Variants in ALK observed in about 807,000 individuals in gnomAD.
The protein encoded by ALK is ALK receptor tyrosine kinase, also known as ALK tyrosine kinase receptor.
ALK carries 74 observed loss-of-function variants against 163.1 expected under a neutral mutation model. The observed-to-expected ratio is 0.45, with a 90% CI of 0.38 to 0.55. ALK has a LOEUF of 0.55. Ranked by LOEUF, ALK falls within the 20% of genes least tolerant of loss-of-function variation. The pLI is 0.00. For missense variants in ALK, 2,063 were observed against 2,105.3 expected (o/e 0.98, Z 0.39); for synonymous variants, 960 against 843.2 (o/e 1.14, Z -2.40).
At chr2:29,556,600 T>A (rs191720474) in intron 3 of ALK, among the ~76,000 whole-genome samples, 39 of 152,342 alleles carry the variant, frequency 2.6e-4, no homozygotes, top group African/African-American at 8.9e-4. Context: ...TGTGATTTCA[T>A]GAATTCACTC....
intron 1 of ALK, among the ~76,000 whole-genome samples, chr2:29,862,171 T>A (rs1400938747): frequency 3.3e-5 from 5 of 152,184 alleles, no homozygotes; most frequent in Non-Finnish European, 7.3e-5. Flanking sequence ...AATATCATAC[T>A]CAATGGTGAA....
At chr2:29,216,993 AGGTGTGTGT>A (rs1183853044) in intron 23 of ALK, among the ~76,000 whole-genome samples, 2 of 107,268 alleles carry the variant, frequency 1.9e-5, no homozygotes, top group Non-Finnish European at 1.9e-5. Flanking sequence ...GTGGCATGTG[AGGTGTGTGT>A]GGTGTGTGCG....
chr2:29,626,033 T>C (rs867262406), intron 3 of ALK, among the ~76,000 whole-genome samples: 3 of 152,190 alleles, frequency 2.0e-5, no homozygotes, highest in Non-Finnish European at 2.9e-5. Flanking sequence ...AAACAACCCA[T>C]GCAAAGGCAA....
intron 9 of ALK, among the ~76,000 whole-genome samples, chr2:29,293,542 A>G (rs976589487): frequency 3.3e-5 from 5 of 152,128 alleles, no homozygotes; most frequent in African/African-American, 1.2e-4. Context: ...TTTTTAAGTG[A>G]AGGAAGAGTA....
At chr2:29,318,525 T>C (rs184633719) in intron 7 of ALK, 121 bp from the exon 8 acceptor site, 7 of 744,068 alleles carry the variant, frequency 9.4e-6, no homozygotes, top group Admixed American at 4.3e-5. Flanking sequence ...AGGAAACAGG[T>C]TTCTGGCCTG....
intron 11 of ALK, among the ~76,000 whole-genome samples, chr2:29,253,641 G>C (rs1664877937): frequency 6.6e-6 from 1 of 151,980 alleles, no homozygotes; most frequent in Non-Finnish European, 1.5e-5. Flanking sequence ...TGGGGGCAGG[G>C]AGAAAAATAA....
At chr2:29,537,396 A>T (rs1425854909) in intron 3 of ALK, among the ~76,000 whole-genome samples, 3 of 152,162 alleles carry the variant, frequency 2.0e-5, no homozygotes, top group African/African-American at 7.2e-5. Flanking sequence ...ATGGCTCAAA[A>T]GGGCCCAGGT....
In ALK at chr2:29,199,250, G is replaced by A. The variant is rs10173262; in HGVS notation, c.3939-1574C>T. 7.1e-3 allele frequency among the ~76,000 whole-genome samples: 1,078 copies of A among 152,232 alleles called. 15 individuals are homozygous for A. Among genetic ancestry groups the A allele is most frequent in the African/African-American group, 0.025 (1,027 of 41,540 alleles). Reference sequence around the variant, plus strand: ...ATTACAGATGTGAAACACCGCACCTGGCCTTAGTTGCTTTCTAATGCTACT... The same window carrying A: ...ATTACAGATGTGAAACACCGCACCTAGCCTTAGTTGCTTTCTAATGCTACT... On this transcript the variant is annotated intron_variant, in intron 26 of 28. Transcript: ENST00000389048.
chr2:29,472,157 G>A (rs1671361406), intron 4 of ALK, among the ~76,000 whole-genome samples: 1 of 152,222 alleles, frequency 6.6e-6, no homozygotes, highest in Admixed American at 6.5e-5. Flanking sequence ...CCTCTATGGA[G>A]AGACTATATG....
intron 26 of ALK, among the ~76,000 whole-genome samples, chr2:29,204,678 C>T (rs1201402751): frequency 1.3e-5 from 2 of 152,182 alleles, no homozygotes; most frequent in Non-Finnish European, 2.9e-5. Flanking sequence ...CAACCTCCAC[C>T]TCCCAGGTTC....
chr2:29,806,321 A>G (rs56228971), intron 1 of ALK, among the ~76,000 whole-genome samples: 11,742 of 152,164 alleles, frequency 0.077, 1,318 homozygotes, highest in African/African-American at 0.25. Flanking sequence ...TGGGAGAAAG[A>G]CTAACAGTGT....
intron 4 of ALK, among the ~76,000 whole-genome samples, chr2:29,508,114 A>G (rs1672388683): frequency 6.6e-6 from 1 of 152,142 alleles, no homozygotes; most frequent in East Asian, 1.9e-4. Flanking sequence ...GCCACCCTAC[A>G]GGGTCTGGCT....
At chr2:29,649,997 C>A (rs1676995299) in intron 3 of ALK, among the ~76,000 whole-genome samples, 1 of 152,164 alleles carries the variant, frequency 6.6e-6, no homozygotes, top group African/African-American at 2.4e-5. Flanking sequence ...GGGAATCAAA[C>A]TCCACATCCT....
chr2:29,558,904 A>T (rs1673936896), intron 3 of ALK, among the ~76,000 whole-genome samples: 1 of 152,168 alleles, frequency 6.6e-6, no homozygotes, highest in Admixed American at 6.5e-5. Flanking sequence ...GGGGTTTAGA[A>T]ATGTGAAATA....
intron 1 of ALK, among the ~76,000 whole-genome samples, chr2:29,774,933 T>A (rs1681130265): frequency 6.6e-6 from 1 of 152,206 alleles, no homozygotes; most frequent in Admixed American, 6.5e-5. Flanking sequence ...GATGGGTTAA[T>A]GTAAATTTAT....
chr2:29,891,774 G>A (rs1667154330), intron 1 of ALK, among the ~76,000 whole-genome samples: 1 of 152,156 alleles, frequency 6.6e-6, no homozygotes, highest in Non-Finnish European at 1.5e-5. Flanking sequence ...AGCTGAAGGG[G>A]CTGATAAGGA....
chr2:29,457,402 C>T (rs189774832), intron 4 of ALK, among the ~76,000 whole-genome samples: 1 of 152,202 alleles, frequency 6.6e-6, no homozygotes, highest in African/African-American at 2.4e-5. Context: ...GGGAAATGGG[C>T]TTTCAGGGGA....
intron 3 of ALK, among the ~76,000 whole-genome samples, chr2:29,595,319 A>AT (rs10641464): frequency 0.066 from 8,174 of 123,912 alleles, 536 homozygotes; most frequent in African/African-American, 0.15. Flanking sequence ...GTCTTACTGG[A>AT]TTTTTTTTTT....
chr2:29,713,852 T>TAAA (rs201653251), intron 2 of ALK, among the ~76,000 whole-genome samples: 102 of 151,920 alleles, frequency 6.7e-4, no homozygotes, highest in African/African-American at 2.5e-3. Flanking sequence ...TTTTTTTTTT[T>TAAA]AAATAAATGA....
Sources: allele counts gnomAD v4.1 joint callset (sites outside exome capture counted in the v4.1 genomes callset), GRCh38; gene constraint gnomAD v4.1.1; transcripts MANE v1.5; gene names NCBI Gene and HGNC (gene_info 2026-07-23, HGNC 2026-07-21).